PLPBP: variants seen among roughly 807,000 people sequenced by gnomAD.
The protein encoded by PLPBP is pyridoxal phosphate binding protein, also known as pyridoxal phosphate homeostasis protein.
PLPBP carries 21 observed loss-of-function variants against 31.2 expected under a neutral mutation model. The observed-to-expected ratio is 0.67, with a 90% CI of 0.48 to 0.97. PLPBP has a LOEUF of 0.97. PLPBP is among the 50% of genes least tolerant of loss of function. The probability of loss-of-function intolerance (pLI) is 0.00; values close to 1 mark genes in which losing one functional copy is unlikely to be tolerated. For synonymous variants in PLPBP, 124 were observed against 135.6 expected, an observed-to-expected ratio of 0.91 and a Z score of 0.59; for missense variants, 308 against 354.4, an observed-to-expected ratio of 0.87 and a Z score of 1.05.
Position 37,778,335 on chromosome 8 carries a change from A to C in PLPBP, c.*231A>C. On this transcript the variant is annotated 3_prime_UTR_variant, in exon 8 of 8. Transcript: ENST00000328195. ...ATTTCTGCAGAACAGATACCAAATCAATAGCTAGGAATCATGTTCAATATT... is the reference window on the plus strand; with the variant it reads ...ATTTCTGCAGAACAGATACCAAATCCATAGCTAGGAATCATGTTCAATATT... The C allele has an allele frequency of 3.0e-6, 1 of 338,868 alleles. No individual in the cohort carries two copies. Among genetic ancestry groups the C allele is most frequent in the Non-Finnish European group, 5.5e-6 (1 of 183,038 alleles). 21.0% of individuals were successfully genotyped at this position (338,868 alleles called of 1,614,324 possible).
At chr8:37,776,762 T>A (rs546371570) in intron 7 of PLPBP, among the ~76,000 whole-genome samples, 76 of 152,142 alleles carry the variant, frequency 5.0e-4, no homozygotes, top group African/African-American at 1.7e-3. Context: ...GCCTAAGGCT[T>A]CATGTTTGTT....
At chr8:37,773,022 G>A (rs1010831100) in intron 5 of PLPBP, 133 bp downstream of exon 5, 1 of 1,195,780 alleles carries the variant, frequency 8.4e-7, no homozygotes, top group Non-Finnish European at 1.2e-6. Context: ...CTCTAAGTTG[G>A]CTGTTTTATG....
intron 4 of PLPBP, among the ~76,000 whole-genome samples, chr8:37,767,874 C>T (rs1427214908): frequency 8.7e-5 from 13 of 148,840 alleles, no homozygotes; most frequent in African/African-American, 2.2e-4. Flanking sequence ...GGCGTGATCC[C>T]GGCTCACTGC....
At chr8:37,765,680 GCTTCTGA>G in intron 2 of PLPBP, 24 bp from the exon 3 acceptor site, 1 of 1,614,210 alleles carries the variant, frequency 6.2e-7, no homozygotes, top group Non-Finnish European at 8.5e-7. Flanking sequence ...TGATTGCCAG[GCTTCTGA>G]CTTGTTCTGT....
Position 37,778,214 on chromosome 8 carries a change from G to C in PLPBP, c.*110G>C. On this transcript the variant is annotated 3_prime_UTR_variant, in exon 8 of 8. Coordinates refer to ENST00000328195, the MANE Select transcript of PLPBP (RefSeq NM_007198.4). ...CCTGTGACCTGTGGAGAGCACTAAT[G>C]ATCACGTGTGTTGATGGAAACCATC... is the stretch of plus-strand genomic sequence containing the variant. The C allele has an allele frequency of 2.2e-6, 3 of 1,341,538 alleles. No individual in the cohort carries two copies. Among genetic ancestry groups the C allele is most frequent in the Non-Finnish European group, 3.0e-6 (3 of 985,926 alleles). The allele number at this position is 1,341,538 out of a possible 1,614,324, so 83.1% of individuals were successfully genotyped here. A position where few individuals can be genotyped will look rare whatever the true frequency, so the allele number is the denominator to read the frequency against.
chr8:37,767,516 G>T lies in PLPBP; in HGVS notation c.319+1161G>T, dbSNP rs143368254. Among the ~76,000 whole-genome samples the T allele has an allele frequency of 5.5e-3, 836 of 152,188 alleles. 10 individuals carry two copies. The highest frequency in any genetic ancestry group is 0.019 in the African/African-American group (792 of 41,534). ...CATCATGTTCATACCTGTATCAAAG[G>T]TTCAATTCTTTTTATCATTCAGTAG... On this transcript the variant is annotated intron_variant, in intron 4 of 7. Transcript: ENST00000328195.
chr8:37,772,656 C>T (rs1585937263), intron 4 of PLPBP, 99 bp from the exon 5 acceptor site: 14 of 1,405,866 alleles, frequency 1.0e-5, no homozygotes, highest in Middle Eastern at 1.8e-4. Context: ...TTTTCTTTTC[C>T]TGGCATATTT....
chr8:37,769,272 C>A (rs1327816378), intron 4 of PLPBP, among the ~76,000 whole-genome samples: 8 of 151,836 alleles, frequency 5.3e-5, no homozygotes, highest in Non-Finnish European at 1.2e-4. Context: ...AAAGGTTAAG[C>A]CTGCAGTGAG....
Position 37,775,480 on chromosome 8 carries a change from A to C in PLPBP, c.596A>C (p.Gln199Pro). 1 of 1,613,908 alleles carries C rather than the reference A, an allele frequency of 6.2e-7. No homozygotes were observed. Among genetic ancestry groups the C allele is most frequent in the Non-Finnish European group, 8.5e-7 (1 of 1,180,014 alleles). ...DLSQGPNPDFQLLLSLREELC... is the reference protein window; with the variant it reads ...DLSQGPNPDFPLLLSLREELC... ...AGTCAAGGACCAAATCCAGACTTCC[A>C]GGTACTGGGGGGTCGGGGAGATTGC... Residue 199 changes from glutamine to proline, a missense_variant and splice_region_variant, in exon 6 of 8, where the codon CAG (glutamine) becomes CCG (proline). Physicochemically the swap from Gln to Pro is moderately conservative, Grantham distance 76. Around this residue, in one of 2 missense-constraint regions of PLPBP, gnomAD observed 188 missense variants for 259.3 expected, o/e 0.73. Coordinates refer to ENST00000328195, the MANE Select transcript of PLPBP (RefSeq NM_007198.4).
rs1394949287 is a variant in PLPBP at position 37,778,200 on chromosome 8, T to C, written c.*96T>C. On this transcript the variant is annotated 3_prime_UTR_variant, in exon 8 of 8. Transcript: ENST00000328195. ...CGCAGTCCTGCTCTCCTGTGACCTG[T>C]GGAGAGCACTAATGATCACGTGTGT... is the stretch of plus-strand genomic sequence containing the variant. 57 of 1,419,148 alleles carry C rather than the reference T, an allele frequency of 4.0e-5. No homozygotes were observed. In the Admixed American group the frequency reaches 9.5e-4, roughly 24 times the overall value. The allele number at this position is 1,419,148 out of a possible 1,614,324, so 87.9% of individuals were successfully genotyped here.
intron 4 of PLPBP, among the ~76,000 whole-genome samples, chr8:37,772,108 TAAG>T (rs1803785779): frequency 6.6e-6 from 1 of 151,808 alleles, no homozygotes; most frequent in Non-Finnish European, 1.5e-5. Context: ...TAATAAAAAA[TAAG>T]AAACAATCTA....
intron 2 of PLPBP, 31 bp from the exon 3 acceptor site, chr8:37,765,680 G>C (rs746447962): frequency 2.5e-6 from 4 of 1,614,092 alleles, no homozygotes; most frequent in African/African-American, 2.7e-5. Flanking sequence ...TGATTGCCAG[G>C]CTTCTGACTT....
At position 37,768,923 on chromosome 8, in the gene PLPBP, C is replaced by A. The variant is rs563508786; in HGVS notation, c.319+2568C>A. On this transcript the variant is annotated intron_variant, in intron 4 of 7. Transcript: ENST00000328195. ...TTCATTATTGAGTTGTAAATTCCAG[C>A]TAGATTAAATAATCTAACTTGAAAA... Among the ~76,000 whole-genome samples, 9 of 152,092 alleles carry A rather than the reference C, an allele frequency of 5.9e-5. No individual in the cohort carries two copies. The South Asian group carries it at 1.9e-3, about 32-fold the overall frequency.
intron 5 of PLPBP, chr8:37,775,099 C>T (rs1156854706): frequency 5.7e-6 from 2 of 347,872 alleles, no homozygotes; most frequent in Non-Finnish European, 1.0e-5. Flanking sequence ...AGCTGAAATC[C>T]TGAGATGGAG....
chr8:37,776,215 C>T (rs559407911), intron 7 of PLPBP, among the ~76,000 whole-genome samples, 199 bp downstream of exon 7: 8 of 152,126 alleles, frequency 5.3e-5, no homozygotes, highest in Non-Finnish European at 8.8e-5. Flanking sequence ...CGGTGGCGCA[C>T]GCCTGTAATC....
At position 37,778,089 on chromosome 8, in the gene PLPBP, G is replaced by A; in HGVS notation, c.813G>A (p.Val271=). 6.2e-7 allele frequency: 1 copy of A among 1,613,290 alleles called. No homozygotes were observed. The highest frequency in any genetic ancestry group is 8.5e-7 in the Non-Finnish European group (1 of 1,179,474). The change falls in exon 8 of 8, where the codon GTG becomes GTA. Residue 271 remains valine, a synonymous_variant. Coordinates refer to ENST00000328195, the MANE Select transcript of PLPBP (RefSeq NM_007198.4). ...CAGACGTGAAGGCCCCGCTGGAGGT[G>A]GCACAGGAGCACTGAGCCAGGGAAT... is the stretch of plus-strand genomic sequence containing the variant. ...CAADVKAPLE[V]AQEH
intron 4 of PLPBP, among the ~76,000 whole-genome samples, chr8:37,769,171 C>G (rs868513921): frequency 1.3e-4 from 20 of 152,016 alleles, no homozygotes; most frequent in African/African-American, 4.3e-4. Context: ...CCTGTCTCCA[C>G]TAAAAATACA....
intron 4 of PLPBP, among the ~76,000 whole-genome samples, chr8:37,770,734 T>C (rs985740911): frequency 1.3e-5 from 2 of 150,950 alleles, no homozygotes; most frequent in Non-Finnish European, 2.9e-5. Flanking sequence ...CGCCCCACCA[T>C]GCTGGCTAAT....
At chr8:37,775,623 CAGAAGGAAAAGGGAA>C (rs1803882341) in intron 6 of PLPBP, 142 bp downstream of exon 6, 25 of 1,314,876 alleles carry the variant, frequency 1.9e-5, no homozygotes, top group Non-Finnish European at 2.4e-5. Flanking sequence ...GAACTCTTCT[CAGAAGGAAAAGGGAA>C]GAACAGGTTT....
Sources: allele counts gnomAD v4.1 joint callset (sites outside exome capture counted in the v4.1 genomes callset), GRCh38; gene constraint gnomAD v4.1.1; regional missense constraint gnomAD v4.1.1; transcripts MANE v1.5; gene names NCBI Gene and HGNC (gene_info 2026-07-23, HGNC 2026-07-21).